Variants in RSPO1 observed in about 807,000 individuals in gnomAD.
RSPO1 encodes the protein R-spondin 1.
Under a neutral mutation model 26.0 loss-of-function variants are expected in RSPO1, and 18 were observed. The observed-to-expected ratio is 0.69, with a 90% confidence interval of 0.48 to 1.03. RSPO1 has a LOEUF of 1.03. Ranked by LOEUF, RSPO1 falls within the 50% of genes least tolerant of loss-of-function variation. The pLI, the probability that RSPO1 is intolerant of heterozygous loss-of-function variation, is 0.00. For missense variants in RSPO1, 309 were observed against 352.3 expected (o/e 0.88, Z 0.98); for synonymous variants, 133 against 137.4 (o/e 0.97, Z 0.22).
chr1:37,617,239 T>C (rs1208225547), intron 3 of RSPO1, among the ~76,000 whole-genome samples: 1 of 152,168 alleles, frequency 6.6e-6, no homozygotes, highest in African/African-American at 2.4e-5. Context: ...GGAAAGGGGT[T>C]GTTAGTGGCA....
Position 37,629,706 on chromosome 1 carries a change from G to A in RSPO1, c.-45C>T, listed in dbSNP as rs1438897254. 9 of 1,610,322 alleles carry A rather than the reference G, an allele frequency of 5.6e-6. No homozygotes were observed. Among genetic ancestry groups the A allele is most frequent in the Middle Eastern group, 1.7e-4 (1 of 6,048 alleles). On this transcript the variant is annotated 5_prime_UTR_variant, in exon 3 of 7. Coordinates refer to ENST00000356545, the MANE Select transcript of RSPO1 (RefSeq NM_001242908.2). ...GCCCCTGGTCGGAGGGGTGGTCTCG[G>A]GGAGGGTGGATAGCACACGGCTCTT...
At chr1:37,633,748 C>T (rs1022135870) in intron 1 of RSPO1, among the ~76,000 whole-genome samples, 2 of 152,052 alleles carry the variant, frequency 1.3e-5, no homozygotes, top group Admixed American at 6.5e-5. Flanking sequence ...GGGGCCGTGC[C>T]CCCCCTCCAA....
intron 3 of RSPO1, among the ~76,000 whole-genome samples, chr1:37,626,914 G>T (rs1644285441): frequency 6.6e-6 from 1 of 152,012 alleles, no homozygotes; most frequent in African/African-American, 2.4e-5. Flanking sequence ...GAAGACAAGG[G>T]GCTTAGTGAA....
chr1:37,612,305 A>G lies in RSPO1; in HGVS notation c.*450T>C, dbSNP rs968467491. On this transcript the variant is annotated 3_prime_UTR_variant, in exon 7 of 7. Coordinates refer to ENST00000356545, the MANE Select transcript of RSPO1 (RefSeq NM_001242908.2). ...TGGGAAGAAGGTTTCTTCCCAGGTC[A>G]CCAGCAGTCCTCAAGCTTGGCTCCC... 2 of 207,604 alleles carry G rather than the reference A, an allele frequency of 9.6e-6. No individual in the cohort carries two copies. The highest frequency in any genetic ancestry group is 4.5e-5 in the African/African-American group (2 of 44,082). The allele number at this position is 207,604 out of a possible 1,614,324, so 12.9% of individuals were successfully genotyped here.
intron 3 of RSPO1, among the ~76,000 whole-genome samples, chr1:37,620,654 A>AATAATG (rs1310732778): frequency 6.7e-6 from 1 of 148,178 alleles, no homozygotes; most frequent in Non-Finnish European, 1.5e-5. Flanking sequence ...TAATAATAAT[A>AATAATG]ATAATATATG....
At chr1:37,622,451 C>T (rs892235656) in intron 3 of RSPO1, among the ~76,000 whole-genome samples, 4 of 152,158 alleles carry the variant, frequency 2.6e-5, no homozygotes, top group Non-Finnish European at 1.5e-5. Context: ...TTCGAGGCTG[C>T]AGTGAGCTAA....
At chr1:37,632,446 C>G (rs1388177960) in intron 1 of RSPO1, 93 bp from the exon 2 acceptor site, 1 of 152,204 alleles carries the variant, frequency 6.6e-6, no homozygotes, top group East Asian at 1.9e-4. Context: ...GTTGCAAGCA[C>G]TTTTTGAAAA....
chr1:37,619,914 AG>A (rs1348598929), intron 3 of RSPO1, among the ~76,000 whole-genome samples: 1 of 151,766 alleles, frequency 6.6e-6, no homozygotes, highest in East Asian at 2.0e-4. Flanking sequence ...TGCCTGTCTA[AG>A]TTTTTGTATT....
intron 3 of RSPO1, among the ~76,000 whole-genome samples, chr1:37,618,302 A>T (rs1005279660): frequency 6.6e-6 from 1 of 152,236 alleles, no homozygotes; most frequent in African/African-American, 2.4e-5. Context: ...AGATTTCTTT[A>T]CTGCAGGCCT....
At chr1:37,614,161 C>G (rs769072898) in intron 5 of RSPO1, 23 bp downstream of exon 5, 1 of 1,611,094 alleles carries the variant, frequency 6.2e-7, no homozygotes, top group South Asian at 1.1e-5. Flanking sequence ...GACCCTCTGC[C>G]CACAGTGCCT....
chr1:37,616,744 G>T, intron 3 of RSPO1, 69 bp from the exon 4 acceptor site: 2 of 1,360,352 alleles, frequency 1.5e-6, no homozygotes, highest in Non-Finnish European at 1.1e-6. Context: ...TTCTGACAAG[G>T]ATGGGAAGTG....
In RSPO1 at chr1:37,613,301, C is replaced by G. The variant is rs1269737728; in HGVS notation, c.626-380G>C. ...ATCCCCTATCCGCCACCAGCCACCT[C>G]TGGGGCCAGGCAAGAGCAGCAGCCA... is the stretch of plus-strand genomic sequence containing the variant. On this transcript the variant is annotated intron_variant, in intron 6 of 6. Coordinates refer to ENST00000356545, the MANE Select transcript of RSPO1 (RefSeq NM_001242908.2). This position sits in a 1 kb window ranked among gnomAD's most constrained non-coding sequence, Gnocchi z 4.5. Among the ~76,000 whole-genome samples the G allele has an allele frequency of 6.6e-6, 1 of 152,244 alleles. No individual in the cohort carries two copies. The highest frequency in any genetic ancestry group is 6.5e-5 in the Admixed American group (1 of 15,290).
chr1:37,627,456 C>T (rs1446899997), intron 3 of RSPO1, among the ~76,000 whole-genome samples: 1 of 152,092 alleles, frequency 6.6e-6, no homozygotes, highest in Admixed American at 6.5e-5. Flanking sequence ...TCAAGACCAG[C>T]CTGGCCAACA....
intron 4 of RSPO1, among the ~76,000 whole-genome samples, chr1:37,614,537 C>T (rs563096870): frequency 4.6e-5 from 7 of 152,328 alleles, no homozygotes; most frequent in African/African-American, 1.2e-4. Flanking sequence ...GAAGCTGAAG[C>T]GGTTGCTCCT....
In RSPO1 at chr1:37,611,847, A is replaced by G. The variant is rs1383043898; in HGVS notation, c.*908T>C. ...AAATTTGGGTAACATGCCAATCATC[A>G]GGAATCTTAAAATTTAGACTCTGGC... is the stretch of plus-strand genomic sequence containing the variant. On this transcript the variant is annotated 3_prime_UTR_variant, in exon 7 of 7. Coordinates refer to ENST00000356545, the MANE Select transcript of RSPO1 (RefSeq NM_001242908.2). 6.5e-6 allele frequency: 1 copy of G among 152,676 alleles called. No individual in the cohort carries two copies. The highest frequency in any genetic ancestry group is 1.5e-5 in the Non-Finnish European group (1 of 68,362). 9.5% of individuals were successfully genotyped at this position (152,676 alleles called of 1,614,324 possible). A position where few individuals can be genotyped will look rare whatever the true frequency, so the allele number is the denominator to read the frequency against.
chr1:37,621,614 G>A (rs1365673403), intron 3 of RSPO1, among the ~76,000 whole-genome samples: 1 of 152,066 alleles, frequency 6.6e-6, no homozygotes, highest in Admixed American at 6.5e-5. Flanking sequence ...GAGGGGGTTC[G>A]GGTGGGAAAA....
chr1:37,630,072 G>T, intron 2 of RSPO1, 123 bp from the exon 3 acceptor site: 1 of 613,924 alleles, frequency 1.6e-6, no homozygotes, highest in Non-Finnish European at 2.9e-6. Flanking sequence ...TACCTACCTA[G>T]CACCTTTCTA....
intron 3 of RSPO1, among the ~76,000 whole-genome samples, chr1:37,626,493 G>A (rs1476170919): frequency 1.3e-5 from 2 of 152,112 alleles, no homozygotes; most frequent in African/African-American, 2.4e-5. Context: ...CGGCATTCCC[G>A]AACTGGATTG....
chr1:37,616,569 G>A lies in RSPO1; in HGVS notation c.201C>T (p.Asn67=), dbSNP rs767375391. Residue 67 remains asparagine, a synonymous_variant, in exon 4 of 7, where the codon AAC becomes AAT. Coordinates refer to ENST00000356545, the MANE Select transcript of RSPO1 (RefSeq NM_001242908.2). The stretch of plus-strand genomic sequence containing the variant: ...AGCAGACGCCCACCTGGCGGATGTC[G>A]TTCCTCTCCAGCAGGATGAACAGCT... ...SPKLFILLER[N]DIRQVGVCLP... 26 of 1,614,050 alleles carry A rather than the reference G, an allele frequency of 1.6e-5. No homozygotes were observed. The highest frequency in any genetic ancestry group is 8.0e-5 in the African/African-American group (6 of 74,916).
Sources: gnomAD v4.1 joint callset for allele counts (sites outside exome capture counted in the v4.1 genomes callset) on GRCh38, gnomAD v4.1.1 for gene constraint, Gnocchi (gnomAD v3.1) non-coding constraint, MANE v1.5 for transcripts, NCBI Gene and HGNC (gene_info 2026-07-23, HGNC 2026-07-21) for gene names.